Variants in AKAP9 observed in about 807,000 individuals in gnomAD.
AKAP9 encodes A-kinase anchoring protein 9, also known as A-kinase anchor protein 9.
Under a neutral mutation model 488.5 loss-of-function variants are expected in AKAP9, and 311 were observed. That is an observed-to-expected ratio of 0.64 (90% CI 0.58 to 0.70). AKAP9 has a LOEUF of 0.70. Ranked by LOEUF, AKAP9 falls within the 30% of genes least tolerant of loss-of-function variation. AKAP9 has a pLI of 0.00. For missense variants in AKAP9, 4,215 were observed against 4,374.5 expected (o/e 0.96, Z 1.03); for synonymous variants, 1,462 against 1,483.5 (o/e 0.99, Z 0.33).
intron 1 of AKAP9, among the ~76,000 whole-genome samples, chr7:91,953,366 G>C (rs1182176495): frequency 1.3e-5 from 2 of 152,194 alleles, no homozygotes; most frequent in Non-Finnish European, 2.9e-5. Flanking sequence ...CAAAGATTTT[G>C]AATTGATAAT....
intron 1 of AKAP9, among the ~76,000 whole-genome samples, chr7:91,955,734 A>G (rs375419546): frequency 6.6e-5 from 10 of 152,148 alleles, no homozygotes; most frequent in African/African-American, 2.2e-4. Flanking sequence ...CCCGGGTTCA[A>G]GTGATTCTCC....
chr7:92,086,255 A>C lies in AKAP9; in HGVS notation c.9052A>C (p.Ser3018Arg). The C allele has an allele frequency of 9.3e-6, 15 of 1,614,096 alleles. No homozygotes were observed. Among genetic ancestry groups the C allele is most frequent in the Non-Finnish European group, 1.3e-5 (15 of 1,179,980 alleles). ...TTATGATAGTTCTCAATCTCATGAG[A>C]GCTTCTCAGACTGGCGAGGTGAACT... is the stretch of plus-strand genomic sequence containing the variant. ...EVYDSSQSHE[S>R]FSDWRGELLL... Residue 3018 changes from serine (S) to arginine (R), a missense_variant, in exon 37 of 50, where the codon AGC becomes CGC. Around this residue, in one of 5 missense-constraint regions of AKAP9, gnomAD observed 1,476 missense variants for 1,477.4 expected, o/e 1.00. Coordinates refer to ENST00000356239, the MANE Select transcript of AKAP9 (RefSeq NM_005751.5).
chr7:91,962,934 G>A (rs974049560), intron 1 of AKAP9, among the ~76,000 whole-genome samples: 22 of 152,168 alleles, frequency 1.4e-4, no homozygotes, highest in African/African-American at 4.8e-4. Context: ...ATTACAGTTG[G>A]AATCTCAAAC....
chr7:92,070,627 G>A (rs1811564065), intron 27 of AKAP9, among the ~76,000 whole-genome samples: 1 of 151,770 alleles, frequency 6.6e-6, no homozygotes, highest in Non-Finnish European at 1.5e-5. Context: ...TAGAAACGGG[G>A]TTTCTGCATG....
At chr7:92,013,386 A>G (rs1020264427) in intron 9 of AKAP9, among the ~76,000 whole-genome samples, 17 of 152,130 alleles carry the variant, frequency 1.1e-4, no homozygotes, top group African/African-American at 4.1e-4. Flanking sequence ...TGTGTGAGAA[A>G]GTAGTTGGGG....
At chr7:91,947,175 C>CGT (rs10575647) in intron 1 of AKAP9, among the ~76,000 whole-genome samples, 163 of 147,712 alleles carry the variant, frequency 1.1e-3, no homozygotes, top group Middle Eastern at 3.5e-3. Context: ...TGTGTGTGTG[C>CGT]GTGTGTGTGT....
chr7:92,072,745 G>A (rs1362010556), intron 28 of AKAP9, among the ~76,000 whole-genome samples: 1 of 152,172 alleles, frequency 6.6e-6, no homozygotes, highest in African/African-American at 2.4e-5. Flanking sequence ...TTAGCTCTCT[G>A]TAGAGCTAAT....
chr7:92,029,987 T>C lies in AKAP9; in HGVS notation c.4241T>C (p.Ile1414Thr), dbSNP rs1490689068. 8 of 1,591,732 alleles carry C rather than the reference T, an allele frequency of 5.0e-6. No homozygotes were observed. The highest frequency in any genetic ancestry group is 2.2e-5 in the East Asian group (1 of 44,662). ...SCVKKNIDGT[I>T]EFSGEFGVKE... ...GTGAAAAAGAATATTGATGGTACAA[T>C]AGAGGTATTATATTTTTAATTTTTA... is the stretch of plus-strand genomic sequence containing the variant. Residue 1414 changes from isoleucine (I) to threonine (T), a missense_variant, in exon 15 of 50, where the codon ATA becomes ACA. Ile to Thr is a moderately conservative substitution (Grantham distance 89). Coordinates refer to ENST00000356239, the MANE Select transcript of AKAP9 (RefSeq NM_005751.5).
chr7:92,104,434 G>A (rs1039674352), intron 46 of AKAP9, among the ~76,000 whole-genome samples: 6 of 151,988 alleles, frequency 3.9e-5, no homozygotes, highest in South Asian at 2.1e-4. Flanking sequence ...CTCATGATCC[G>A]CCCGCCTCGG....
At chr7:92,021,134 C>T (rs192123288) in intron 12 of AKAP9, among the ~76,000 whole-genome samples, 421 of 152,248 alleles carry the variant, frequency 2.8e-3, no homozygotes, top group East Asian at 6.0e-3. Context: ...ATAGCCTTCC[C>T]AAATCATTAC....
chr7:92,071,077 T>C, intron 28 of AKAP9, 68 bp downstream of exon 28: 1 of 1,380,680 alleles, frequency 7.2e-7, no homozygotes, highest in Non-Finnish European at 1.0e-6. Flanking sequence ...CTTGAAAATA[T>C]TATTTGAACT....
At chr7:91,968,702 T>G (rs1391350679) in intron 1 of AKAP9, among the ~76,000 whole-genome samples, 1 of 152,224 alleles carries the variant, frequency 6.6e-6, no homozygotes, top group Non-Finnish European at 1.5e-5. Flanking sequence ...TTATTTGAAG[T>G]CTTTCTCATA....
chr7:91,951,444 G>A (rs1305995964), intron 1 of AKAP9, among the ~76,000 whole-genome samples: 1 of 151,774 alleles, frequency 6.6e-6, no homozygotes, highest in Non-Finnish European at 1.5e-5. Flanking sequence ...CTCACTTCAG[G>A]CTCCCGAGTA....
At chr7:91,955,427 G>A (rs1196165610) in intron 1 of AKAP9, among the ~76,000 whole-genome samples, 1 of 152,054 alleles carries the variant, frequency 6.6e-6, no homozygotes, top group Non-Finnish European at 1.5e-5. Flanking sequence ...CTCACCACTT[G>A]AGGTACCTAT....
intron 3 of AKAP9, among the ~76,000 whole-genome samples, chr7:91,983,043 T>A (rs1345575484): frequency 6.6e-6 from 1 of 152,106 alleles, no homozygotes; most frequent in Non-Finnish European, 1.5e-5. Context: ...GTTTGCTTTT[T>A]TTTTCTTTCT....
chr7:92,097,444 TA>T, intron 41 of AKAP9, 87 bp downstream of exon 41: 1 of 1,531,558 alleles, frequency 6.5e-7, no homozygotes. Flanking sequence ...TTAAATTACT[TA>T]AATAGCTATA....
chr7:92,030,027 T>A (rs140555223), intron 15 of AKAP9, 36 bp downstream of exon 15: 2 of 1,343,318 alleles, frequency 1.5e-6, no homozygotes, highest in Non-Finnish European at 2.1e-6. Flanking sequence ...TTAACTGTTA[T>A]ATACACTGAT....
chr7:92,028,926 GT>G (rs1335856639), intron 14 of AKAP9, among the ~76,000 whole-genome samples: 1 of 152,090 alleles, frequency 6.6e-6, no homozygotes, highest in Non-Finnish European at 1.5e-5. Context: ...ATCATTAGGG[GT>G]TTAGTTATAT....
chr7:92,088,786 G>T (rs1815035976), intron 37 of AKAP9, among the ~76,000 whole-genome samples: 1 of 151,968 alleles, frequency 6.6e-6, no homozygotes, highest in Non-Finnish European at 1.5e-5. Flanking sequence ...TACACACCAA[G>T]AAAACTAATG....
Sources: allele counts gnomAD v4.1 joint callset (sites outside exome capture counted in the v4.1 genomes callset), GRCh38; gene constraint gnomAD v4.1.1; regional missense constraint gnomAD v4.1.1; transcripts MANE v1.5; gene names NCBI Gene and HGNC (gene_info 2026-07-23, HGNC 2026-07-21).